PLCXD3: variants seen among roughly 807,000 people sequenced by gnomAD.
PLCXD3 encodes PI-PLC X domain-containing protein 3.
PLCXD3 carries 19 observed loss-of-function variants against 25.5 expected under a neutral mutation model. That is an observed-to-expected ratio of 0.75 (90% CI 0.52 to 1.09). The LOEUF (loss-of-function observed/expected upper bound fraction) is 1.09. Ranked by LOEUF, PLCXD3 falls within the 50% of genes least tolerant of loss-of-function variation. PLCXD3 has a pLI of 0.00. For missense variants in PLCXD3, 411 were observed against 388.1 expected (o/e 1.06, Z -0.50); for synonymous variants, 174 against 137.6 (o/e 1.26, Z -1.85).
intron 1 of PLCXD3, among the ~76,000 whole-genome samples, chr5:41,417,591 C>G (rs897807): frequency 6.6e-6 from 1 of 152,094 alleles, no homozygotes; most frequent in Non-Finnish European, 1.5e-5. Flanking sequence ...GAAAGAAAAT[C>G]CTGGAACAGA....
chr5:41,339,582 T>C (rs1417372219), intron 2 of PLCXD3, among the ~76,000 whole-genome samples: 4 of 152,060 alleles, frequency 2.6e-5, no homozygotes, highest in African/African-American at 9.7e-5. Context: ...ATGACAGTAG[T>C]GTTGCCCTTC....
intron 1 of PLCXD3, among the ~76,000 whole-genome samples, chr5:41,505,354 T>A (rs1160469856): frequency 1.3e-5 from 2 of 152,166 alleles, no homozygotes; most frequent in East Asian, 3.9e-4. Flanking sequence ...TTCAAATAAA[T>A]GAGATGTGAC....
intron 2 of PLCXD3, among the ~76,000 whole-genome samples, chr5:41,323,338 A>T (rs1235519976): frequency 1.3e-5 from 2 of 152,212 alleles, no homozygotes; most frequent in Non-Finnish European, 2.9e-5. Context: ...AATAATAACT[A>T]TACATTTTAA....
chr5:41,330,918 A>T (rs1351672631), intron 2 of PLCXD3, among the ~76,000 whole-genome samples: 1 of 152,336 alleles, frequency 6.6e-6, no homozygotes, highest in South Asian at 2.1e-4. Context: ...AAAACTCTCA[A>T]TAAATTAGGT....
intron 1 of PLCXD3, chr5:41,456,593 C>G: frequency 1.1e-6 from 1 of 870,982 alleles, no homozygotes; most frequent in Non-Finnish European, 1.4e-6. Context: ...CCCCCTGACA[C>G]TCCAAATTCA....
chr5:41,452,724 AT>A (rs935240667), intron 1 of PLCXD3, among the ~76,000 whole-genome samples: 21 of 152,108 alleles, frequency 1.4e-4, no homozygotes, highest in African/African-American at 3.6e-4. Flanking sequence ...ATGGTTAATG[AT>A]TTTTTTGTGC....
In PLCXD3 at chr5:41,335,746, G is replaced by A. The variant is rs563086416; in HGVS notation, c.813-21976C>T. On this transcript the variant is annotated intron_variant, in intron 2 of 2. Transcript: ENST00000377801. ...TGTGGCATTTGTTGGGGTGGATACA[G>A]GGATGAATCAGATATGGTCCCTGAC... Among the ~76,000 whole-genome samples, 5 of 152,182 alleles carry A rather than the reference G, an allele frequency of 3.3e-5. No individual in the cohort carries two copies. In the East Asian group the frequency reaches 9.7e-4, roughly 29 times the overall value.
intron 1 of PLCXD3, among the ~76,000 whole-genome samples, chr5:41,482,653 C>T (rs981939667): frequency 2.6e-5 from 4 of 152,140 alleles, no homozygotes; most frequent in Non-Finnish European, 5.9e-5. Context: ...AAAGAGGATG[C>T]CCTTTCTTGC....
chr5:41,503,126 G>T (rs1389325031), intron 1 of PLCXD3, among the ~76,000 whole-genome samples: 6 of 152,126 alleles, frequency 3.9e-5, no homozygotes, highest in Non-Finnish European at 8.8e-5. Context: ...GACATGCATT[G>T]AAGATAAGTC....
chr5:41,346,233 CAT>C (rs1744300330), intron 2 of PLCXD3, among the ~76,000 whole-genome samples: 1 of 152,242 alleles, frequency 6.6e-6, no homozygotes, highest in African/African-American at 2.4e-5. Flanking sequence ...AGAGAGTGCT[CAT>C]ATACAACCCT....
chr5:41,331,183 A>T (rs951671188), intron 2 of PLCXD3, among the ~76,000 whole-genome samples: 2 of 152,204 alleles, frequency 1.3e-5, no homozygotes, highest in Non-Finnish European at 2.9e-5. Flanking sequence ...ACATGATTGT[A>T]TATCTAGAAA....
intron 1 of PLCXD3, among the ~76,000 whole-genome samples, chr5:41,496,291 G>T (rs1459949249): frequency 6.6e-6 from 1 of 151,988 alleles, no homozygotes; most frequent in African/African-American, 2.4e-5. Context: ...AAAGGGGAAA[G>T]AAAGCTTATT....
chr5:41,324,030 CAG>C (rs1362184253), intron 2 of PLCXD3, among the ~76,000 whole-genome samples: 8 of 152,016 alleles, frequency 5.3e-5, no homozygotes, highest in Admixed American at 3.9e-4. Context: ...TCATCACAAA[CAG>C]AGAATAGTTG....
chr5:41,429,207 TG>T (rs1335069751), intron 1 of PLCXD3, among the ~76,000 whole-genome samples: 8 of 151,636 alleles, frequency 5.3e-5, no homozygotes, highest in Non-Finnish European at 1.2e-4. Flanking sequence ...GAGAAGTCAA[TG>T]GCTCCATGAT....
chr5:41,450,483 A>G (rs1346995333), intron 1 of PLCXD3, among the ~76,000 whole-genome samples: 2 of 152,150 alleles, frequency 1.3e-5, no homozygotes, highest in Admixed American at 6.6e-5. Flanking sequence ...TGCCTGGGAA[A>G]TGTGGCTGTC....
intron 2 of PLCXD3, among the ~76,000 whole-genome samples, chr5:41,340,812 T>C (rs1042028128): frequency 1.3e-5 from 2 of 152,200 alleles, no homozygotes; most frequent in African/African-American, 4.8e-5. Context: ...TGGGAACTCA[T>C]GTCCCACTGG....
At chr5:41,477,651 A>G (rs978186335) in intron 1 of PLCXD3, among the ~76,000 whole-genome samples, 1 of 151,988 alleles carries the variant, frequency 6.6e-6, no homozygotes, top group Non-Finnish European at 1.5e-5. Context: ...TGGATTTCTT[A>G]ACATTGCAGT....
Position 41,409,253 on chromosome 5 carries a change from G to T in PLCXD3, c.104-26719C>A, listed in dbSNP as rs77469100. Among the ~76,000 whole-genome samples the T allele has an allele frequency of 7.9e-5, 12 of 152,206 alleles. No individual in the cohort carries two copies. In the East Asian group the frequency reaches 2.3e-3, roughly 29 times the overall value. On this transcript the variant is annotated intron_variant, in intron 1 of 2. Coordinates refer to ENST00000377801, the MANE Select transcript of PLCXD3 (RefSeq NM_001005473.3). ...ATGAAGCTGGAGAAACTGGATTATC[G>T]GGAGCCTTGAGCAGCCTTAAGCCCA...
intron 1 of PLCXD3, among the ~76,000 whole-genome samples, chr5:41,493,196 C>A (rs1748744762): frequency 6.6e-6 from 1 of 152,214 alleles, no homozygotes; most frequent in South Asian, 2.1e-4. Flanking sequence ...TGGAGGTCCA[C>A]TCCAGACCCT....
Sources: allele counts gnomAD v4.1 joint callset (sites outside exome capture counted in the v4.1 genomes callset), GRCh38; gene constraint gnomAD v4.1.1; transcripts MANE v1.5; gene names NCBI Gene and HGNC (gene_info 2026-07-23, HGNC 2026-07-21).